Variants in PMS1 observed in about 807,000 individuals in gnomAD.
PMS1 encodes the protein PMS1 homolog 1, mismatch repair system component, also known as PMS1 protein homolog 1.
PMS1 carries 79 observed loss-of-function variants against 93.1 expected under a neutral mutation model. The ratio of observed to expected loss-of-function variants is 0.85; its 90% CI spans 0.71 to 1.02. The LOEUF (loss-of-function observed/expected upper bound fraction) is 1.02. Among genes scored for constraint, PMS1 ranks in the 50% least tolerant of loss-of-function variants. The pLI is 0.00. For missense variants in PMS1, 1,064 were observed against 1,085.3 expected, an observed-to-expected ratio of 0.98 and a Z score of 0.28; for synonymous variants, 335 against 363.4, an observed-to-expected ratio of 0.92 and a Z score of 0.89.
intron 9 of PMS1, among the ~76,000 whole-genome samples, chr2:189,860,747 G>C (rs2055875009): frequency 7.3e-6 from 1 of 137,052 alleles, no homozygotes; most frequent in Non-Finnish European, 1.5e-5. Context: ...CAAAATGTCA[G>C]TTAAGTCTTA....
At chr2:189,814,393 G>A (rs1002704238) in intron 4 of PMS1, among the ~76,000 whole-genome samples, 5 of 151,870 alleles carry the variant, frequency 3.3e-5, no homozygotes, top group African/African-American at 1.2e-4. Flanking sequence ...TCAAGTGTGA[G>A]CAAAATAGGA....
At chr2:189,868,014 TA>T in intron 11 of PMS1, 85 bp downstream of exon 11, 1 of 1,144,916 alleles carries the variant, frequency 8.7e-7, no homozygotes, top group Non-Finnish European at 1.3e-6. Context: ...GATTTACAGA[TA>T]TGGTGGTATA....
In PMS1 at chr2:189,852,770, T is replaced by A. The variant is rs767306276; in HGVS notation, c.815T>A (p.Ile272Asn). ...INSRPVHQKDILKLIRHHYNL... is the reference protein window; with the variant it reads ...INSRPVHQKDNLKLIRHHYNL... The stretch of plus-strand genomic sequence containing the variant: ...AGTCGACCAGTACATCAAAAAGATA[T>A]CTTAAAGGTAGTATGCTTTAGAAAA... The change falls in exon 7 of 13, where the codon ATC becomes AAC. Residue 272 changes from isoleucine to asparagine, a missense_variant. Coordinates refer to ENST00000441310, the MANE Select transcript of PMS1 (RefSeq NM_000534.5). 1 of 1,584,572 alleles carries A rather than the reference T, an allele frequency of 6.3e-7. No homozygotes were observed. Among genetic ancestry groups the A allele is most frequent in the Non-Finnish European group, 8.7e-7 (1 of 1,153,482 alleles).
chr2:189,798,573 T>G (rs2049566825), intron 3 of PMS1, among the ~76,000 whole-genome samples: 1 of 152,162 alleles, frequency 6.6e-6, no homozygotes, highest in Admixed American at 6.5e-5. Context: ...AATTGGGCAT[T>G]GTCCGTTTTT....
At chr2:189,867,326 G>A (rs999133282) in intron 10 of PMS1, among the ~76,000 whole-genome samples, 1 of 152,186 alleles carries the variant, frequency 6.6e-6, no homozygotes, top group Non-Finnish European at 1.5e-5. Context: ...CAGACCTGCA[G>A]TAGACTGAAG....
chr2:189,798,962 A>G (rs890169254), intron 3 of PMS1, among the ~76,000 whole-genome samples: 2 of 152,192 alleles, frequency 1.3e-5, no homozygotes, highest in African/African-American at 4.8e-5. Flanking sequence ...TAGGTTTCAC[A>G]TGAGCTGTAT....
At chr2:189,847,222 TTTA>T (rs1177826373) in intron 6 of PMS1, among the ~76,000 whole-genome samples, 2 of 152,170 alleles carry the variant, frequency 1.3e-5, no homozygotes, top group African/African-American at 2.4e-5. Context: ...GTGTGTGTCT[TTTA>T]TTATTTGTTT....
intron 11 of PMS1, among the ~76,000 whole-genome samples, chr2:189,871,204 C>T (rs370926725): frequency 2.7e-4 from 41 of 152,184 alleles, no homozygotes; most frequent in South Asian, 2.5e-3. Context: ...AAACTTCTAC[C>T]GATCCTAAGG....
chr2:189,860,059 C>A (rs1016312770), intron 9 of PMS1, among the ~76,000 whole-genome samples: 7 of 152,098 alleles, frequency 4.6e-5, no homozygotes, highest in Admixed American at 4.6e-4. Flanking sequence ...TGTGGCCCCA[C>A]ACTTTCTTAA....
At chr2:189,840,867 A>G in intron 5 of PMS1, among the ~76,000 whole-genome samples, 1 of 152,200 alleles carries the variant, frequency 6.6e-6, no homozygotes, top group East Asian at 1.9e-4. Flanking sequence ...CCCTCCTAAA[A>G]GCAGATTATT....
At chr2:189,876,190 G>A (rs2057552273) in intron 12 of PMS1, among the ~76,000 whole-genome samples, 2 of 152,172 alleles carry the variant, frequency 1.3e-5, no homozygotes, top group Admixed American at 6.5e-5. Flanking sequence ...TATATGTGGT[G>A]AAAGAGTAGA....
chr2:189,843,938 G>A, intron 5 of PMS1, 26 bp from the exon 6 acceptor site: 1 of 1,576,326 alleles, frequency 6.3e-7, no homozygotes. Flanking sequence ...TGTATTAAAA[G>A]TTATCTATAT....
chr2:189,853,140 A>G (rs533563076), intron 7 of PMS1, among the ~76,000 whole-genome samples: 16 of 151,496 alleles, frequency 1.1e-4, no homozygotes, highest in Admixed American at 2.0e-4. Flanking sequence ...TGCAACCTCC[A>G]TCTCCTGGGT....
intron 3 of PMS1, among the ~76,000 whole-genome samples, chr2:189,796,477 A>G (rs1214962992): frequency 6.6e-6 from 1 of 152,186 alleles, no homozygotes; most frequent in Non-Finnish European, 1.5e-5. Flanking sequence ...ACCATTATTC[A>G]TCTCCGCAAC....
chr2:189,814,038 G>A (rs1184273060), intron 4 of PMS1, among the ~76,000 whole-genome samples: 2 of 152,188 alleles, frequency 1.3e-5, no homozygotes, highest in African/African-American at 4.8e-5. Context: ...CCATTTAGCA[G>A]TAGAGGCAGA....
At chr2:189,863,718 A>G in intron 9 of PMS1, 25 bp from the exon 10 acceptor site, 1 of 1,497,142 alleles carries the variant, frequency 6.7e-7, no homozygotes, top group Non-Finnish European at 9.3e-7. Flanking sequence ...TGATCTCATT[A>G]GTTCTATTTT....
In PMS1 at chr2:189,873,661, G is replaced by A. The variant is rs367955474; in HGVS notation, c.2634+5G>A. The A allele has an allele frequency of 8.7e-5, 139 of 1,594,658 alleles. No homozygotes were observed. Among genetic ancestry groups the A allele is most frequent in the African/African-American group, 2.5e-4 (19 of 74,576 alleles). On this transcript the variant is annotated splice_donor_5th_base_variant and intron_variant, in intron 12 of 12. Transcript: ENST00000441310. ...AAAGTGATAAGTTATTTAGAGGTAC[G>A]CATTATTTTATATATATGTTATTGT... is the stretch of plus-strand genomic sequence containing the variant.
chr2:189,861,070 T>C (rs1029633324), intron 9 of PMS1, among the ~76,000 whole-genome samples: 29 of 152,102 alleles, frequency 1.9e-4, no homozygotes, highest in African/African-American at 6.5e-4. Flanking sequence ...ATAATTGATA[T>C]GGTTGGGTTT....
intron 4 of PMS1, among the ~76,000 whole-genome samples, chr2:189,811,498 G>A (rs1193749753): frequency 6.6e-6 from 1 of 152,120 alleles, no homozygotes; most frequent in African/African-American, 2.4e-5. Flanking sequence ...AGGTGGCTGA[G>A]GCAGGAGAAT....
Sources: allele counts gnomAD v4.1 joint callset (sites outside exome capture counted in the v4.1 genomes callset), GRCh38; gene constraint gnomAD v4.1.1; transcripts MANE v1.5; gene names NCBI Gene and HGNC (gene_info 2026-07-23, HGNC 2026-07-21).